The following ZBTB20 variants were observed in gnomAD, a reference collection of about 807,000 sequenced individuals.
ZBTB20 encodes zinc finger and BTB domain-containing protein 20.
In ZBTB20, 9 loss-of-function variants were observed where a neutral mutation model predicts 56.9. The ratio of observed to expected loss-of-function variants is 0.16; its 90% CI spans 0.10 to 0.28. The LOEUF is 0.28. Among genes scored for constraint, ZBTB20 ranks in the 10% least tolerant of loss-of-function variants. The pLI, the probability that ZBTB20 is intolerant of heterozygous loss-of-function variation, is 1.00. For synonymous variants in ZBTB20, 417 were observed against 420.7 expected (o/e 0.99, Z 0.11); for missense variants, 655 against 1,003.0 (o/e 0.65, Z 4.69).
chr3:114,366,088 C>G (rs186929129), intron 10 of ZBTB20, among the ~76,000 whole-genome samples: 44 of 152,352 alleles, frequency 2.9e-4, no homozygotes, highest in Admixed American at 2.7e-3. Context: ...TGTGTAAGCA[C>G]TTTGCTGGGT....
chr3:114,749,211 T>C (rs1430425286), intron 5 of ZBTB20, among the ~76,000 whole-genome samples: 2 of 152,182 alleles, frequency 1.3e-5, no homozygotes, highest in Non-Finnish European at 2.9e-5. Flanking sequence ...CTTGGATTCA[T>C]AGTTCTATAA....
chr3:115,142,146 A>T (rs1357801304), intron 1 of ZBTB20, among the ~76,000 whole-genome samples: 3 of 152,198 alleles, frequency 2.0e-5, no homozygotes, highest in Non-Finnish European at 2.9e-5. Context: ...GCTTAAACAA[A>T]ATCACCAGGG....
At chr3:114,507,173 G>C (rs1446244599) in intron 6 of ZBTB20, among the ~76,000 whole-genome samples, 1 of 152,178 alleles carries the variant, frequency 6.6e-6, no homozygotes, top group Non-Finnish European at 1.5e-5. Context: ...CCAATGCTAT[G>C]AGTCAGTTAC....
At chr3:115,001,996 T>G (rs565061582) in intron 2 of ZBTB20, among the ~76,000 whole-genome samples, 3 of 151,490 alleles carry the variant, frequency 2.0e-5, no homozygotes, top group African/African-American at 7.3e-5. Context: ...AGGCTTACTA[T>G]ATAGCTACAT....
At chr3:114,379,294 A>T (rs933605459) in intron 10 of ZBTB20, 1 of 152,266 alleles carries the variant, frequency 6.6e-6, no homozygotes, top group African/African-American at 2.4e-5. Context: ...GTTACCAGAC[A>T]TCCTTTATGG....
chr3:114,898,472 C>T (rs2074977496), intron 4 of ZBTB20, among the ~76,000 whole-genome samples: 1 of 152,106 alleles, frequency 6.6e-6, no homozygotes, highest in Non-Finnish European at 1.5e-5. Context: ...TCAGTATTCT[C>T]ATATCTATGT....
intron 6 of ZBTB20, among the ~76,000 whole-genome samples, chr3:114,543,595 G>A (rs2049374667): frequency 3.3e-5 from 5 of 152,118 alleles, no homozygotes; most frequent in Admixed American, 3.3e-4. Context: ...AAAACCCTTG[G>A]CTACTATAAA....
intron 1 of ZBTB20, among the ~76,000 whole-genome samples, chr3:115,142,964 C>A (rs2084859912): frequency 1.3e-5 from 2 of 151,976 alleles, no homozygotes. Flanking sequence ...CACTTAAGAA[C>A]TAAACTTGTA....
intron 5 of ZBTB20, among the ~76,000 whole-genome samples, chr3:114,715,012 A>G (rs1469297452): frequency 6.6e-6 from 1 of 152,144 alleles, no homozygotes; most frequent in Non-Finnish European, 1.5e-5. Flanking sequence ...AACAATGCAT[A>G]AGGGGATGCT....
At chr3:114,625,401 C>A (rs1228124391) in intron 6 of ZBTB20, among the ~76,000 whole-genome samples, 1 of 152,160 alleles carries the variant, frequency 6.6e-6, no homozygotes, top group Non-Finnish European at 1.5e-5. Context: ...TTCCTATATA[C>A]TATCCTAGTA....
intron 6 of ZBTB20, among the ~76,000 whole-genome samples, chr3:114,673,296 G>T (rs1053420263): frequency 6.6e-6 from 1 of 152,012 alleles, no homozygotes; most frequent in Admixed American, 6.6e-5. Context: ...CAGTACTTCC[G>T]TAGAATTTCA....
intron 2 of ZBTB20, among the ~76,000 whole-genome samples, chr3:115,068,237 G>A (rs2082279618): frequency 6.6e-6 from 1 of 151,756 alleles, no homozygotes; most frequent in Non-Finnish European, 1.5e-5. Context: ...TATAAAGGCT[G>A]CGATTTTCTG....
intron 10 of ZBTB20, among the ~76,000 whole-genome samples, chr3:114,379,866 T>C (rs1483225800): frequency 6.6e-6 from 1 of 152,206 alleles, no homozygotes; most frequent in Non-Finnish European, 1.5e-5. Flanking sequence ...CCTTCTGAGG[T>C]CCACATTTGG....
At chr3:114,953,060 T>C (rs1560431980) in intron 3 of ZBTB20, among the ~76,000 whole-genome samples, 2 of 152,048 alleles carry the variant, frequency 1.3e-5, no homozygotes, top group Non-Finnish European at 2.9e-5. Flanking sequence ...ATATAATATA[T>C]GACAAAACAA....
intron 3 of ZBTB20, among the ~76,000 whole-genome samples, chr3:114,939,689 A>T (rs1316939105): frequency 6.8e-6 from 1 of 146,412 alleles, no homozygotes; most frequent in Non-Finnish European, 1.5e-5. Flanking sequence ...CAATAAAAAT[A>T]TCTGAAGAAT....
At chr3:114,533,001 G>T (rs544720911) in intron 6 of ZBTB20, among the ~76,000 whole-genome samples, 36 of 152,300 alleles carry the variant, frequency 2.4e-4, no homozygotes, top group Admixed American at 1.1e-3. Context: ...CAGCGTCAAA[G>T]ACCAAAGGTA....
intron 2 of ZBTB20, among the ~76,000 whole-genome samples, chr3:115,017,663 A>G (rs888447100): frequency 6.6e-6 from 1 of 151,666 alleles, no homozygotes; most frequent in Non-Finnish European, 1.5e-5. Context: ...TTTCTTTCAT[A>G]TTAAGGATTT....
intron 6 of ZBTB20, among the ~76,000 whole-genome samples, chr3:114,646,182 A>G (rs1289285273): frequency 1.3e-5 from 2 of 151,652 alleles, no homozygotes; most frequent in Non-Finnish European, 2.9e-5. Flanking sequence ...AAATGGGAGG[A>G]AAGTAGGGGT....
intron 5 of ZBTB20, among the ~76,000 whole-genome samples, chr3:114,735,271 A>G (rs968279372): frequency 2.0e-5 from 3 of 152,124 alleles, no homozygotes; most frequent in Admixed American, 1.3e-4. Flanking sequence ...TAAGTTTCTA[A>G]TAAGATTTAG....
Sources: gnomAD v4.1 joint callset for allele counts (sites outside exome capture counted in the v4.1 genomes callset) on GRCh38, gnomAD v4.1.1 for gene constraint, MANE v1.5 for transcripts, NCBI Gene and HGNC (gene_info 2026-07-23, HGNC 2026-07-21) for gene names.